Variants in PKD1 observed in about 807,000 individuals in gnomAD.
The protein encoded by PKD1 is polycystin 1, transient receptor potential channel interacting.
Under a neutral mutation model 361.7 loss-of-function variants are expected in PKD1, and 81 were observed. That is an observed-to-expected ratio of 0.22 (90% confidence interval 0.19 to 0.27). The LOEUF (loss-of-function observed/expected upper bound fraction) is 0.27. Among genes scored for constraint, PKD1 ranks in the 10% least tolerant of loss-of-function variants. The pLI is 1.00. For missense variants in PKD1, 6,399 were observed against 6,118.3 expected, an observed-to-expected ratio of 1.05 and a Z score of -1.53; for synonymous variants, 3,615 against 2,818.3, an observed-to-expected ratio of 1.28 and a Z score of -8.95.
chr16:2,093,515 G>T, intron 37 of PKD1, 29 bp downstream of exon 37: 1 of 1,573,434 alleles, frequency 6.4e-7, no homozygotes, highest in Non-Finnish European at 8.6e-7. Context: ...GACGGAGGTG[G>T]CAGGGGCACA....
Position 2,114,765 on chromosome 16 carries a change from T to A in PKD1, c.2258A>T (p.His753Leu), listed in dbSNP as rs1404929538. 3 of 1,417,428 alleles carry A rather than the reference T, an allele frequency of 2.1e-6. No individual in the cohort carries two copies. Among genetic ancestry groups the A allele is most frequent in the East Asian group, 5.0e-5 (2 of 40,240 alleles). The allele number at this position is 1,417,428 out of a possible 1,614,324, so 87.8% of individuals were successfully genotyped here. Residue 753 changes from histidine to leucine, a missense_variant, in exon 11 of 46, where the codon CAC becomes CTC. Physicochemically the swap from His to Leu is moderately conservative, Grantham distance 99. Coordinates refer to ENST00000262304, the MANE Select transcript of PKD1 (RefSeq NM_001009944.3). Reference sequence around the variant, plus strand: ...AGTGCCCTCCAGCTGGGCTGGCAAGTGGGGCAGCCATGACGAGGCGTTGGC... The same window carrying A: ...AGTGCCCTCCAGCTGGGCTGGCAAGAGGGGCAGCCATGACGAGGCGTTGGC... ...LSANASSWLP[H>L]LPAQLEGTWA... is the part of the protein sequence containing the mutation.
At chr16:2,097,673 G>A (rs2091902341) in intron 32 of PKD1, 55 bp downstream of exon 32, 1 of 1,610,768 alleles carries the variant, frequency 6.2e-7, no homozygotes, top group Non-Finnish European at 8.5e-7. Context: ...CACACCCCCG[G>A]CACCCCAGAC....
Position 2,105,569 on chromosome 16 carries a change from C to T in PKD1, c.7864-95G>A, listed in dbSNP as rs117334762. The T allele has an allele frequency of 4.3e-4, 681 of 1,594,108 alleles. 8 individuals are homozygous for T. The East Asian group carries it at 0.013, about 31-fold the overall frequency. ...ACGACTCCCGGGGTGCAGTTACGTG[C>T]TAGACGCTGTGTGATGCGGGCACTG... is the stretch of plus-strand genomic sequence containing the variant. On this transcript the variant is annotated intron_variant, in intron 20 of 45. Coordinates refer to ENST00000262304, the MANE Select transcript of PKD1 (RefSeq NM_001009944.3).
Position 2,111,394 on chromosome 16 carries a change from G to T in PKD1, c.3773C>A (p.Ala1258Glu). The T allele has an allele frequency of 6.2e-7, 1 of 1,611,530 alleles. No individual in the cohort carries two copies. Among genetic ancestry groups the T allele is most frequent in the Non-Finnish European group, 8.5e-7 (1 of 1,179,556 alleles). ...GDGTVLSGPE[A>E]TVEHVYLRAQ... ...CCGCAGGTACACATGCTCCACTGTT[G>T]CCTCCGGGCCCGACAGCACGGTGCC... is the stretch of plus-strand genomic sequence containing the variant. The change falls in exon 15 of 46, where the codon GCA (alanine) becomes GAA (glutamate). Residue 1258 changes from alanine (A) to glutamate (E), a missense_variant. By Grantham distance (107) the Ala-to-Glu change is moderately radical (BLOSUM62 -1). Transcript: ENST00000262304.
rs2092646605 is a variant in PKD1, at chr16:2,116,859, C to T, written c.1580G>A (p.Ser527Asn). 2 of 1,530,312 alleles carry T rather than the reference C, an allele frequency of 1.3e-6. No individual in the cohort carries two copies. The highest frequency in any genetic ancestry group is 1.8e-6 in the Non-Finnish European group (2 of 1,142,486). 94.8% of individuals were successfully genotyped at this position (1,530,312 alleles called of 1,614,324 possible). ...TCCGGGCTGCAGCTCGCAGACGTAG[C>T]TGTGCGGCGCTGAGCACAGGTCGGT... ...CNTDLCSAPHSYVCELQPGGP... is the reference protein window; with the variant it reads ...CNTDLCSAPHNYVCELQPGGP... Residue 527 changes from serine to asparagine, a missense_variant, in exon 7 of 46, where the codon AGC becomes AAC. Ser to Asn is a conservative substitution (Grantham distance 46). Coordinates refer to ENST00000262304, the MANE Select transcript of PKD1 (RefSeq NM_001009944.3).
chr16:2,098,430 G>A (rs1184392488), intron 30 of PKD1, among the ~76,000 whole-genome samples: 1 of 149,314 alleles, frequency 6.7e-6, no homozygotes, highest in African/African-American at 2.5e-5. Context: ...GGCTGGTCTT[G>A]GAACTCCTGA....
At position 2,089,567 on chromosome 16, in the gene PKD1, TTAAAGTGC is replaced by T. The variant is rs909422258; in HGVS notation, c.*152_*159del. On this transcript the variant is annotated 3_prime_UTR_variant, in exon 46 of 46. Coordinates refer to ENST00000262304, the MANE Select transcript of PKD1 (RefSeq NM_001009944.3). ...GGTCCTGGTTGGCCACACAGCCTCT[TTAAAGTGC>T]TGAAGCCCACAGACAGACAGATGCC... is the stretch of plus-strand genomic sequence containing the variant. The T allele has an allele frequency of 4.3e-5, 39 of 912,866 alleles. No individual in the cohort carries two copies. In the Admixed American group the frequency reaches 8.9e-4, roughly 21 times the overall value. The allele number at this position is 912,866 out of a possible 1,614,324, so 56.5% of individuals were successfully genotyped here. A position where few individuals can be genotyped will look rare whatever the true frequency, so the allele number is the denominator to read the frequency against.
rs750686736 is a variant in PKD1 at position 2,111,138 on chromosome 16, C to T, written c.4029G>A (p.Pro1343=). The T allele has an allele frequency of 5.6e-6, 9 of 1,611,004 alleles. No homozygotes were observed. Among genetic ancestry groups the T allele is most frequent in the Admixed American group, 1.7e-5 (1 of 60,002 alleles). The change falls in exon 15 of 46, where the codon CCG becomes CCA. Residue 1343 remains proline, a synonymous_variant. Transcript: ENST00000262304. The part of the protein sequence containing the change: ...GSSNTTVRGC[P]TVTHNFTRSG... ...TCCGCGTGAAGTTGTGTGTCACCGT[C>T]GGGCACCCCCGCACGGTCGTGTTGG...
intron 34 of PKD1, chr16:2,095,030 T>A (rs2091785473): frequency 6.6e-6 from 1 of 152,178 alleles, no homozygotes; most frequent in African/African-American, 2.4e-5. Context: ...ATCCCAGCAC[T>A]TCAGGAGGCT....
At chr16:2,114,963 G>A (rs1179668138) in intron 10 of PKD1, 38 bp from the exon 11 acceptor site, 14 of 1,524,656 alleles carry the variant, frequency 9.2e-6, no homozygotes, top group African/African-American at 2.7e-5. Context: ...ACGTCCTCAC[G>A]GTCATGGCCC....
intron 14 of PKD1, 31 bp from the exon 15 acceptor site, chr16:2,111,902 C>T (rs1450466495): frequency 8.7e-6 from 14 of 1,608,320 alleles, no homozygotes; most frequent in East Asian, 4.5e-5. Flanking sequence ...GGGGCAGCCG[C>T]GGCACCCCCA....
In PKD1 at chr16:2,118,654, G is replaced by A; in HGVS notation, c.529+22C>T. On this transcript the variant is annotated intron_variant, in intron 4 of 45. Transcript: ENST00000262304. This position sits in a 1 kb window ranked among gnomAD's most constrained non-coding sequence, Gnocchi z 6.0. ...CCACCTGGCTGGGAAGGACAGAGCTGGCCCCACCCACCGGCACTCACCACA... is the reference window on the plus strand; with the variant it reads ...CCACCTGGCTGGGAAGGACAGAGCTAGCCCCACCCACCGGCACTCACCACA... 7.5e-7 allele frequency: 1 copy of A among 1,335,014 alleles called. No homozygotes were observed. Among genetic ancestry groups the A allele is most frequent in the Non-Finnish European group, 1.0e-6 (1 of 963,932 alleles). 82.7% of individuals were successfully genotyped at this position (1,335,014 alleles called of 1,614,324 possible). A position where few individuals can be genotyped will look rare whatever the true frequency, so the allele number is the denominator to read the frequency against.
rs2151788839 is a variant in PKD1, at chr16:2,108,874, T to C, written c.6293A>G (p.Asp2098Gly). ...RRVAYHWDFG[D>G]GSPGQDTDEP... The stretch of plus-strand genomic sequence containing the variant: ...ATCTGTGTCCTGCCCTGGCGACCCA[T>C]CCCCAAAGTCCCAGTGGTAGGCCAC... The change falls in exon 15 of 46, where the codon GAT becomes GGT. Residue 2098 changes from aspartate (D) to glycine (G), a missense_variant. Physicochemically the swap from Asp to Gly is moderately conservative, Grantham distance 94. Coordinates refer to ENST00000262304, the MANE Select transcript of PKD1 (RefSeq NM_001009944.3). The C allele has an allele frequency of 6.3e-7, 1 of 1,577,888 alleles. No homozygotes were observed. Among genetic ancestry groups the C allele is most frequent in the Non-Finnish European group, 8.6e-7 (1 of 1,163,192 alleles).
In PKD1 at chr16:2,114,559, C is replaced by A. The variant is rs760750102; in HGVS notation, c.2464G>T (p.Ala822Ser). Residue 822 changes from alanine (A) to serine (S), a missense_variant, in exon 11 of 46, where the codon GCT (alanine) becomes TCT (serine). By Grantham distance (99) the Ala-to-Ser change is moderately conservative. Transcript: ENST00000262304. ...GCAGGGTAGATGACCCGCAGCCCAG[C>A]CACTGGGGAGACCACGTCAAAGCTG... ...SCSFDVVSPV[A>S]GLRVIYPAPR... 1.3e-6 allele frequency: 2 copies of A among 1,594,568 alleles called. No individual in the cohort carries two copies. The highest frequency in any genetic ancestry group is 3.3e-5 in the Admixed American group (2 of 59,832).
intron 1 of PKD1, among the ~76,000 whole-genome samples, chr16:2,131,532 T>C (rs1367260487): frequency 6.8e-6 from 1 of 147,574 alleles, no homozygotes; most frequent in Non-Finnish European, 1.5e-5. Context: ...AATAAATAAA[T>C]AAATAAATAA....
Position 2,093,794 on chromosome 16 carries a change from C to T in PKD1, c.10821+17G>A, listed in dbSNP as rs908453813. On this transcript the variant is annotated intron_variant, in intron 36 of 45. Coordinates refer to ENST00000262304, the MANE Select transcript of PKD1 (RefSeq NM_001009944.3). Reference sequence around the variant, plus strand: ...CCGTGATGGAGGCCTGTAGCCTACCCCTGGCAGCCCCCTCACCTTCAGTGG... The same window carrying T: ...CCGTGATGGAGGCCTGTAGCCTACCTCTGGCAGCCCCCTCACCTTCAGTGG... 3 of 1,554,122 alleles carry T rather than the reference C, an allele frequency of 1.9e-6. No homozygotes were observed. Among genetic ancestry groups the T allele is most frequent in the Non-Finnish European group, 1.7e-6 (2 of 1,152,722 alleles).
chr16:2,102,853 C>G lies in PKD1; in HGVS notation c.8909G>C (p.Gly2970Ala), dbSNP rs570792300. ...SRRIRPESLQ[G>A]ADHRPYTFFI... ...GAAGGTGTAGGGCCGGTGGTCAGCA[C>G]CCTGGAGTGACTCTGGGCGGATCCT... The change falls in exon 24 of 46, where the codon GGT becomes GCT. Residue 2970 changes from glycine to alanine, a missense_variant. Gly to Ala is a moderately conservative substitution (Grantham distance 60). Coordinates refer to ENST00000262304, the MANE Select transcript of PKD1 (RefSeq NM_001009944.3). 6 of 1,598,796 alleles carry G rather than the reference C, an allele frequency of 3.8e-6. No homozygotes were observed. In the Admixed American group the frequency reaches 6.8e-5, roughly 18 times the overall value.
At position 2,097,530 on chromosome 16, in the gene PKD1, A is replaced by G. The variant is rs376860632; in HGVS notation, c.10221-27T>C. The G allele has an allele frequency of 3.2e-5, 52 of 1,602,202 alleles. No homozygotes were observed. In the African/African-American group the frequency reaches 6.1e-4, roughly 19 times the overall value. On this transcript the variant is annotated intron_variant, in intron 32 of 45. Transcript: ENST00000262304. ...TGCAGGTGGCGCGGGTCAGCAAGGT[A>G]CCAGGGGATGTGTCACACACACAGC...
In PKD1 at chr16:2,105,888, C is replaced by A. The variant is rs1277024489; in HGVS notation, c.7840G>T (p.Ala2614Ser). ...ACCTCGTTCAGCACGGTGACCAGGG[C>A]CAACGAGTACTCGATGACGTGCTGG... is the stretch of plus-strand genomic sequence containing the variant. Reference protein sequence around the residue: ...DPQHVIEYSLALVTVLNEYER... With the variant: ...DPQHVIEYSLSLVTVLNEYER... The change falls in exon 20 of 46, where the codon GCC (alanine) becomes TCC (serine). Residue 2614 changes from alanine (A) to serine (S), a missense_variant. Physicochemically the swap from Ala to Ser is moderately conservative, Grantham distance 99. Transcript: ENST00000262304. 1.9e-6 allele frequency: 3 copies of A among 1,596,256 alleles called. No homozygotes were observed. Among genetic ancestry groups the A allele is most frequent in the Non-Finnish European group, 2.5e-6 (3 of 1,179,632 alleles).
Sources: gnomAD v4.1 joint callset for allele counts (sites outside exome capture counted in the v4.1 genomes callset) on GRCh38, gnomAD v4.1.1 for gene constraint, Gnocchi (gnomAD v3.1) non-coding constraint, MANE v1.5 for transcripts, NCBI Gene and HGNC (gene_info 2026-07-23, HGNC 2026-07-21) for gene names.